ADAP1: variants seen among roughly 807,000 people sequenced by gnomAD.
ADAP1 encodes the protein ArfGAP with dual PH domains 1, also known as arf-GAP with dual PH domain-containing protein 1.
In ADAP1, 31 loss-of-function variants were observed where a neutral mutation model predicts 54.9. That is an observed-to-expected ratio of 0.56 (90% confidence interval 0.42 to 0.76). The LOEUF is 0.76. Ranked by LOEUF, ADAP1 falls within the 30% of genes least tolerant of loss-of-function variation. The pLI, the probability that ADAP1 is intolerant of heterozygous loss-of-function variation, is 0.00. For missense variants in ADAP1, 535 were observed against 512.4 expected (o/e 1.04, Z -0.42); for synonymous variants, 313 against 202.6 (o/e 1.55, Z -4.63).
At position 906,759 on chromosome 7, in the gene ADAP1, C is replaced by A. The variant is rs1283953195; in HGVS notation, c.389-1587G>T. 3.7e-3 allele frequency among the ~76,000 whole-genome samples: 60 copies of A among 16,172 alleles called. 1 individual carries two copies. Among genetic ancestry groups the A allele is most frequent in the Admixed American group, 5.1e-3 (9 of 1,780 alleles). 10.6% of individuals were successfully genotyped at this position (16,172 alleles called of 152,430 possible). A position where few individuals can be genotyped will look rare whatever the true frequency, so the allele number is the denominator to read the frequency against. On this transcript the variant is annotated intron_variant, in intron 4 of 10. Transcript: ENST00000265846. ...GGACAGAGTACATAGGGGACATGGA[C>A]AGGGGACATGGGGGACAGGGGACAC...
chr7:954,388 A>T lies in ADAP1; in HGVS notation c.82+8T>A. The T allele has an allele frequency of 9.3e-7, 1 of 1,077,188 alleles. No homozygotes were observed. The highest frequency in any genetic ancestry group is 2.3e-5 in the South Asian group (1 of 43,336). 66.7% of individuals were successfully genotyped at this position (1,077,188 alleles called of 1,614,324 possible). ...ACCCGGCCCCGCGCCCACCCGGCCC[A>T]CACCTACCCGGGGCGCCGCAGTCCG... On this transcript the variant is annotated splice_region_variant and intron_variant, in intron 1 of 10. Coordinates refer to ENST00000265846, the MANE Select transcript of ADAP1 (RefSeq NM_006869.4).
At chr7:928,051 CA>C (rs5881886) in intron 2 of ADAP1, among the ~76,000 whole-genome samples, 16,451 of 104,502 alleles carry the variant, frequency 0.16, 1,272 homozygotes, top group East Asian at 0.38. Context: ...CCCTGTCTCT[CA>C]AAAAAAAAAA....
At position 946,910 on chromosome 7, in the gene ADAP1, C is replaced by T. The variant is rs1213877789; in HGVS notation, c.82+7486G>A. Among the ~76,000 whole-genome samples, 5 of 152,368 alleles carry T rather than the reference C, an allele frequency of 3.3e-5. No homozygotes were observed. Among genetic ancestry groups the T allele is most frequent in the African/African-American group, 4.8e-5 (2 of 41,588 alleles). On this transcript the variant is annotated intron_variant, in intron 1 of 10. Coordinates refer to ENST00000265846, the MANE Select transcript of ADAP1 (RefSeq NM_006869.4). This position sits in a 1 kb window ranked among gnomAD's most constrained non-coding sequence, Gnocchi z 4.3. ...CAGCACCTGGAGAGGCCAAGGTGAA[C>T]GGGTGGAGCCCAGGAGTTCGAGACC...
In ADAP1 at chr7:937,684, A is replaced by ACGC. The variant is rs1562934307; in HGVS notation, c.83-2180_83-2179insGCG. Among the ~76,000 whole-genome samples, 123 of 66,472 alleles carry ACGC rather than the reference A, an allele frequency of 1.9e-3. 11 individuals are homozygous for ACGC. The highest frequency in any genetic ancestry group is 4.4e-3 in the East Asian group (7 of 1,580). The allele number at this position is 66,472 out of a possible 152,430, so 43.6% of individuals were successfully genotyped here. A position where few individuals can be genotyped will look rare whatever the true frequency, so the allele number is the denominator to read the frequency against. ...GCCCGGCCTCTGGGATTTGGGGGTC[A>ACGC]TGCCCGGCCTCTGGGATTTGGGGGT... On this transcript the variant is annotated intron_variant, in intron 1 of 10. Coordinates refer to ENST00000265846, the MANE Select transcript of ADAP1 (RefSeq NM_006869.4).
intron 1 of ADAP1, among the ~76,000 whole-genome samples, chr7:953,592 G>GC (rs1395634161): frequency 6.6e-6 from 1 of 152,208 alleles, no homozygotes; most frequent in African/African-American, 2.4e-5. Context: ...GGACTGCTCC[G>GC]GCGGGGCCCT....
chr7:899,833 G>C (rs747115298), intron 8 of ADAP1, among the ~76,000 whole-genome samples: 2 of 152,136 alleles, frequency 1.3e-5, no homozygotes, highest in Admixed American at 6.5e-5. Context: ...TCAGGGAATG[G>C]CAAGATGTGG....
intron 6 of ADAP1, 78 bp from the exon 7 acceptor site, chr7:900,694 A>C (rs540023794): frequency 5.3e-6 from 7 of 1,313,836 alleles, no homozygotes; most frequent in Middle Eastern, 5.0e-4. Context: ...TGGGGTCCCC[A>C]CAGAGGGGCC....
intron 6 of ADAP1, among the ~76,000 whole-genome samples, chr7:903,752 C>T (rs1032239780): frequency 6.6e-6 from 1 of 152,186 alleles, no homozygotes; most frequent in Admixed American, 6.5e-5. Flanking sequence ...CCGTAGGACC[C>T]CAGTTCCCCC....
At position 905,104 on chromosome 7, in the gene ADAP1, G is replaced by C; in HGVS notation, c.457C>G (p.Leu153Val). 1.9e-6 allele frequency: 3 copies of C among 1,612,380 alleles called. No homozygotes were observed. Among genetic ancestry groups the C allele is most frequent in the Non-Finnish European group, 2.5e-6 (3 of 1,179,902 alleles). Residue 153 changes from leucine to valine, a missense_variant, in exon 5 of 11, where the codon CTG becomes GTG. By Grantham distance (32) the Leu-to-Val change is conservative (BLOSUM62 1). Coordinates refer to ENST00000265846, the MANE Select transcript of ADAP1 (RefSeq NM_006869.4). ...NGQFLSRKFVLTEREGALKYF... is the reference protein window; with the variant it reads ...NGQFLSRKFVVTEREGALKYF... ...TTCAGAGCACCCTCTCGTTCTGTCA[G>C]CACAAACTTCCGGCTCAAAAACTGC...
chr7:952,887 C>T (rs1475297355), intron 1 of ADAP1, among the ~76,000 whole-genome samples: 1 of 152,106 alleles, frequency 6.6e-6, no homozygotes, highest in Non-Finnish European at 1.5e-5. Flanking sequence ...CCGGGCACAC[C>T]TGCACCCACT....
intron 2 of ADAP1, among the ~76,000 whole-genome samples, chr7:930,117 A>AC (rs1334975749): frequency 6.7e-5 from 10 of 150,228 alleles, no homozygotes; most frequent in African/African-American, 2.4e-4. Flanking sequence ...AAAAAAAAAA[A>AC]AAAAAAAAAA....
chr7:916,074 C>A (rs528566941), intron 4 of ADAP1, among the ~76,000 whole-genome samples: 33 of 152,370 alleles, frequency 2.2e-4, no homozygotes, highest in Non-Finnish European at 3.5e-4. Context: ...GGGCACGCCA[C>A]CTAGGGCGCC....
rs373409871 is a variant in ADAP1, at chr7:944,255, CTT to C, written c.83-8752_83-8751del. ...ATTTATTTTTCTTTATATTTTTAAC[CTT>C]TTTTTTTTTTTTTTTGAGACAGAGT... On this transcript the variant is annotated intron_variant, in intron 1 of 10. Coordinates refer to ENST00000265846, the MANE Select transcript of ADAP1 (RefSeq NM_006869.4). Among the ~76,000 whole-genome samples, 1,012 of 135,372 alleles carry C rather than the reference CTT, an allele frequency of 7.5e-3. 5 individuals are homozygous for C. Among genetic ancestry groups the C allele is most frequent in the Middle Eastern group, 0.02 (5 of 252 alleles). The allele number at this position is 135,372 out of a possible 152,430, so 88.8% of individuals were successfully genotyped here. A position where few individuals can be genotyped will look rare whatever the true frequency, so the allele number is the denominator to read the frequency against.
At chr7:910,486 G>C (rs911928152) in intron 4 of ADAP1, among the ~76,000 whole-genome samples, 4 of 152,136 alleles carry the variant, frequency 2.6e-5, no homozygotes, top group South Asian at 2.1e-4. Flanking sequence ...TCTGAGCTCA[G>C]GTGACCCTCC....
intron 4 of ADAP1, among the ~76,000 whole-genome samples, chr7:919,582 C>T (rs1407094097): frequency 2.1e-5 from 3 of 140,078 alleles, no homozygotes; most frequent in African/African-American, 5.4e-5. Context: ...ATGAGATAGA[C>T]GTGAAGAGAG....
At position 910,270 on chromosome 7, in the gene ADAP1, CTTTT is replaced by C. The variant is rs543799061; in HGVS notation, c.389-5102_389-5099del. ...ATAAAGCCCACACCCGTTTACGAGG[CTTTT>C]TTTTTTTTTTCCCCACCCAGGCTGG... On this transcript the variant is annotated intron_variant, in intron 4 of 10. Coordinates refer to ENST00000265846, the MANE Select transcript of ADAP1 (RefSeq NM_006869.4). Among the ~76,000 whole-genome samples the C allele has an allele frequency of 3.7e-3, 530 of 145,190 alleles. 3 individuals are homozygous for C. Among genetic ancestry groups the C allele is most frequent in the African/African-American group, 0.013 (501 of 39,936 alleles).
intron 1 of ADAP1, among the ~76,000 whole-genome samples, chr7:948,869 GT>G (rs1471894462): frequency 6.6e-6 from 1 of 152,128 alleles, no homozygotes; most frequent in Non-Finnish European, 1.5e-5. Flanking sequence ...ACTAATTTTT[GT>G]ATTTTTAGTA....
chr7:934,878 G>T (rs909722770), intron 2 of ADAP1, among the ~76,000 whole-genome samples: 1 of 152,200 alleles, frequency 6.6e-6, no homozygotes, highest in Non-Finnish European at 1.5e-5. Flanking sequence ...GTGGGCAGTG[G>T]CTGTGTCACC....
In ADAP1 at chr7:904,290, C is replaced by A; in HGVS notation, c.502-18G>T. ...TCCTTGGCCTGAGAAGGGGTGGGGT[C>A]TAAGCACCTCACAGGGGCCGTCGTC... On this transcript the variant is annotated intron_variant, in intron 5 of 10. Transcript: ENST00000265846. 3 of 1,560,544 alleles carry A rather than the reference C, an allele frequency of 1.9e-6. No homozygotes were observed. The highest frequency in any genetic ancestry group is 1.2e-5 in the South Asian group (1 of 83,618).
Sources: gnomAD v4.1 joint callset for allele counts (sites outside exome capture counted in the v4.1 genomes callset) on GRCh38, gnomAD v4.1.1 for gene constraint, Gnocchi (gnomAD v3.1) non-coding constraint, MANE v1.5 for transcripts, NCBI Gene and HGNC (gene_info 2026-07-23, HGNC 2026-07-21) for gene names.